The following ZGRF1 variants were observed in gnomAD, a reference collection of about 807,000 sequenced individuals.
ZGRF1 encodes the protein zinc finger GRF-type containing 1, also known as 5'-3' DNA helicase ZGRF1.
ZGRF1 carries 196 observed loss-of-function variants against 203.5 expected under a neutral mutation model. The observed-to-expected ratio is 0.96, with a 90% CI of 0.86 to 1.08. The LOEUF (loss-of-function observed/expected upper bound fraction) is 1.08. ZGRF1 is among the 50% of genes least tolerant of loss of function. ZGRF1 has a pLI of 0.00. For missense variants in ZGRF1, 2,326 were observed against 2,416.3 expected, an observed-to-expected ratio of 0.96 and a Z score of 0.78; for synonymous variants, 809 against 841.3, an observed-to-expected ratio of 0.96 and a Z score of 0.66.
At chr4:112,629,844 C>G in intron 3 of ZGRF1, 1 of 204,588 alleles carries the variant, frequency 4.9e-6, no homozygotes, top group Non-Finnish European at 1.0e-5. Context: ...CATGGTGAAA[C>G]CCCATCTCTA....
intron 4 of ZGRF1, among the ~76,000 whole-genome samples, chr4:112,623,014 C>T (rs1336838074): frequency 6.6e-6 from 1 of 152,056 alleles, no homozygotes; most frequent in African/African-American, 2.4e-5. Flanking sequence ...CTGTTGTTCC[C>T]GTTTGTCCAT....
rs1466528574 is a variant in ZGRF1, at chr4:112,589,542, A to T, written c.3127+182T>A. 1.0e-5 allele frequency: 6 copies of T among 588,450 alleles called. No individual in the cohort carries two copies. In the Admixed American group the frequency reaches 1.8e-4, roughly 18 times the overall value. 36.5% of individuals were successfully genotyped at this position (588,450 alleles called of 1,614,324 possible). On this transcript the variant is annotated intron_variant, in intron 11 of 27. Coordinates refer to ENST00000505019, the MANE Select transcript of ZGRF1 (RefSeq NM_018392.5). Reference sequence around the variant, plus strand: ...GAAGGAACTAGATAGCTAGAAGGGAATATTGTACCTGGAATAGCTATCTAT... The same window carrying T: ...GAAGGAACTAGATAGCTAGAAGGGATTATTGTACCTGGAATAGCTATCTAT...
intron 16 of ZGRF1, among the ~76,000 whole-genome samples, chr4:112,568,015 G>A (rs966229289): frequency 1.3e-5 from 2 of 152,050 alleles, no homozygotes; most frequent in Non-Finnish European, 2.9e-5. Context: ...TAAATAGCAG[G>A]ATGAATACAT....
rs750675666 is a variant in ZGRF1, at chr4:112,589,670, A to G, written c.3127+54T>C. 3 of 1,510,016 alleles carry G rather than the reference A, an allele frequency of 2.0e-6. No homozygotes were observed. The Admixed American group carries it at 5.2e-5, about 26-fold the overall frequency. The allele number at this position is 1,510,016 out of a possible 1,614,324, so 93.5% of individuals were successfully genotyped here. On this transcript the variant is annotated intron_variant, in intron 11 of 27. Transcript: ENST00000505019. ...TTTAGTGTAATAATCTCTCAAATAA[A>G]AAACTTCATCTTAAATGAATAGACA...
chr4:112,539,727 T>G (rs1264792172), intron 27 of ZGRF1, 38 bp from the exon 28 acceptor site: 3 of 1,573,096 alleles, frequency 1.9e-6, no homozygotes, highest in Non-Finnish European at 2.6e-6. Flanking sequence ...CTATTCTTTA[T>G]TTTACAGAGG....
At chr4:112,619,903 C>T (rs902484326) in intron 5 of ZGRF1, 99 bp downstream of exon 5, 1 of 1,014,096 alleles carries the variant, frequency 9.9e-7, no homozygotes, top group Non-Finnish European at 1.4e-6. Flanking sequence ...CTATGAAGTG[C>T]CCTTTGAATG....
chr4:112,543,053 A>C (rs1260627015), intron 24 of ZGRF1, among the ~76,000 whole-genome samples: 4 of 151,978 alleles, frequency 2.6e-5, no homozygotes, highest in East Asian at 3.9e-4. Context: ...GATTACTTTT[A>C]TTTCTTTTAC....
At chr4:112,542,789 CTTCT>C (rs375472435) in intron 24 of ZGRF1, among the ~76,000 whole-genome samples, 29 of 149,728 alleles carry the variant, frequency 1.9e-4, no homozygotes, top group South Asian at 1.7e-3. Context: ...TCCTTCCTTC[CTTCT>C]TTCTTTTTTC....
At chr4:112,557,141 G>T (rs530277328) in intron 20 of ZGRF1, among the ~76,000 whole-genome samples, 75 of 151,192 alleles carry the variant, frequency 5.0e-4, no homozygotes, top group African/African-American at 1.8e-3. Context: ...TATAACTACT[G>T]ATTCTGGAAT....
At position 112,562,403 on chromosome 4, in the gene ZGRF1, A is replaced by G; in HGVS notation, c.4665T>C (p.Ala1555=). 1.2e-6 allele frequency: 2 copies of G among 1,608,722 alleles called. No homozygotes were observed. Among genetic ancestry groups the G allele is most frequent in the East Asian group, 2.2e-5 (1 of 44,800 alleles). ...LKNIQDYFNP[A]TLPLTQYLLT... The stretch of plus-strand genomic sequence containing the variant: ...ACAGGTACTGTGTTAGAGGTAGAGT[A>G]GCTGGATTAAAGTAGTCCTGAATGT... Residue 1555 remains alanine (A), a synonymous_variant, in exon 18 of 28, where the codon GCT becomes GCC. Coordinates refer to ENST00000505019, the MANE Select transcript of ZGRF1 (RefSeq NM_018392.5).
chr4:112,599,915 C>T (rs1486562441), intron 10 of ZGRF1, among the ~76,000 whole-genome samples: 2 of 152,188 alleles, frequency 1.3e-5, no homozygotes, highest in East Asian at 3.9e-4. Flanking sequence ...AAACATGTAA[C>T]TTTACATAAA....
At position 112,606,670 on chromosome 4, in the gene ZGRF1, A is replaced by T. The variant is rs529085255; in HGVS notation, c.2719-579T>A. Among the ~76,000 whole-genome samples, 6 of 151,994 alleles carry T rather than the reference A, an allele frequency of 3.9e-5. No homozygotes were observed. The East Asian group carries it at 1.2e-3, about 29-fold the overall frequency. On this transcript the variant is annotated intron_variant, in intron 8 of 27. Transcript: ENST00000505019. ...AAAACTCCGTCTCAAAAAAAAAAAA[A>T]ATAGAAAAAGAAAAAAATGCCAGGT...
chr4:112,574,795 G>A (rs1744844837), intron 16 of ZGRF1, among the ~76,000 whole-genome samples: 1 of 152,124 alleles, frequency 6.6e-6, no homozygotes, highest in African/African-American at 2.4e-5. Context: ...GGAGGCCAAG[G>A]TGGGTGGATC....
intron 22 of ZGRF1, 105 bp downstream of exon 22, chr4:112,553,730 T>C (rs1740394184): frequency 4.2e-6 from 4 of 960,966 alleles, no homozygotes; most frequent in South Asian, 1.9e-5. Context: ...TAAACTATCA[T>C]AGCAGTTTGT....
chr4:112,575,363 G>A (rs1020107436), intron 16 of ZGRF1, among the ~76,000 whole-genome samples: 5 of 152,128 alleles, frequency 3.3e-5, no homozygotes, highest in South Asian at 2.1e-4. Context: ...TGCAGAAGAC[G>A]GGTGATTTCT....
chr4:112,619,026 T>A lies in ZGRF1; in HGVS notation c.1016A>T (p.His339Leu). 6.2e-7 allele frequency: 1 copy of A among 1,614,020 alleles called. No homozygotes were observed. Residue 339 changes from histidine to leucine, a missense_variant, in exon 6 of 28, where the codon CAT (histidine) becomes CTT (leucine). Physicochemically the swap from His to Leu is moderately conservative, Grantham distance 99. Transcript: ENST00000505019. ...MYLSSQSSPI[H>L]SSTVDGNDTE... ...ATCATTCCCATCTACAGTAGAAGAA[T>A]GTATAGGTGAACTCTGTGAGGATAA...
intron 22 of ZGRF1, among the ~76,000 whole-genome samples, chr4:112,549,305 T>C (rs1273613336): frequency 1.3e-5 from 2 of 152,328 alleles, no homozygotes; most frequent in East Asian, 1.9e-4. Context: ...GGGAAATCTA[T>C]GAATTTTCTA....
rs112292313 is a variant in ZGRF1, at chr4:112,631,914, A to C, written c.102+16T>G. On this transcript the variant is annotated intron_variant, in intron 3 of 27. Transcript: ENST00000505019. The stretch of plus-strand genomic sequence containing the variant: ...ACCTTGCTCTTGCACCCTATAGTCA[A>C]CTGCTTTGTACTCACTTTGTTTCCT... 2.4e-5 allele frequency: 36 copies of C among 1,502,650 alleles called. No individual in the cohort carries two copies. Among genetic ancestry groups the C allele is most frequent in the African/African-American group, 2.4e-4 (17 of 71,242 alleles). 93.1% of individuals were successfully genotyped at this position (1,502,650 alleles called of 1,614,324 possible).
chr4:112,558,715 T>A (rs1003880634), intron 19 of ZGRF1, among the ~76,000 whole-genome samples: 3 of 152,226 alleles, frequency 2.0e-5, no homozygotes, highest in Non-Finnish European at 4.4e-5. Flanking sequence ...CTCCTCCATT[T>A]AATTAATTAA....
Sources: gnomAD v4.1 joint callset for allele counts (sites outside exome capture counted in the v4.1 genomes callset) on GRCh38, gnomAD v4.1.1 for gene constraint, MANE v1.5 for transcripts, NCBI Gene and HGNC (gene_info 2026-07-23, HGNC 2026-07-21) for gene names.